UNC5D: variants seen among roughly 807,000 people sequenced by gnomAD.
UNC5D encodes the protein netrin receptor UNC5D.
Under a neutral mutation model 105.4 loss-of-function variants are expected in UNC5D, and 39 were observed. That is an observed-to-expected ratio of 0.37 (90% CI 0.29 to 0.48). UNC5D has a LOEUF of 0.48. Ranked by LOEUF, UNC5D falls within the 20% of genes least tolerant of loss-of-function variation. The probability of loss-of-function intolerance (pLI) is 0.98; values close to 1 mark genes in which losing one functional copy is unlikely to be tolerated. For synonymous variants in UNC5D, 452 were observed against 450.4 expected (o/e 1.00, Z -0.04); for missense variants, 991 against 1,202.4 (o/e 0.82, Z 2.60).
chr8:35,537,426 TTC>T (rs1308014251), intron 1 of UNC5D, among the ~76,000 whole-genome samples: 3 of 152,162 alleles, frequency 2.0e-5, no homozygotes, highest in Non-Finnish European at 4.4e-5. Context: ...ATGCCTATAA[TTC>T]TAACATTTTG....
At chr8:35,706,032 G>T in intron 8 of UNC5D, 71 bp downstream of exon 8, 2 of 1,035,940 alleles carry the variant, frequency 1.9e-6, no homozygotes, top group South Asian at 1.5e-5. Flanking sequence ...ATTTGTTTAG[G>T]AGCTGAGCAG....
intron 1 of UNC5D, among the ~76,000 whole-genome samples, chr8:35,461,615 G>A (rs1014991721): frequency 1.7e-4 from 26 of 152,288 alleles, no homozygotes; most frequent in African/African-American, 6.0e-4. Flanking sequence ...TAGCATTGTA[G>A]GAGGGAACAA....
At chr8:35,773,703 C>A (rs1279367641) in intron 15 of UNC5D, among the ~76,000 whole-genome samples, 1 of 147,074 alleles carries the variant, frequency 6.8e-6, no homozygotes, top group African/African-American at 2.7e-5. Context: ...ATTCTGCTCT[C>A]ACCTGACAGT....
At chr8:35,292,444 T>C (rs1170934818) in intron 1 of UNC5D, among the ~76,000 whole-genome samples, 1 of 152,218 alleles carries the variant, frequency 6.6e-6, no homozygotes, top group Non-Finnish European at 1.5e-5. Flanking sequence ...AAAATTTTGT[T>C]CTAATTATTG....
chr8:35,471,579 A>G (rs1809728681), intron 1 of UNC5D, among the ~76,000 whole-genome samples: 1 of 152,242 alleles, frequency 6.6e-6, no homozygotes, highest in Non-Finnish European at 1.5e-5. Context: ...TAGCAAAAGC[A>G]TCTAAATTTT....
intron 3 of UNC5D, among the ~76,000 whole-genome samples, chr8:35,591,473 A>G (rs749074972): frequency 5.9e-5 from 9 of 152,302 alleles, no homozygotes; most frequent in Non-Finnish European, 1.2e-4. Context: ...AGTTTGCCTC[A>G]TATCCAATGA....
intron 2 of UNC5D, among the ~76,000 whole-genome samples, chr8:35,558,640 A>T (rs574427025): frequency 1.2e-4 from 19 of 152,286 alleles, no homozygotes; most frequent in African/African-American, 4.3e-4. Flanking sequence ...GGGCTGAGAA[A>T]TCTTGGGAGT....
chr8:35,282,714 A>AAAG (rs1346159032), intron 1 of UNC5D, among the ~76,000 whole-genome samples: 1 of 151,392 alleles, frequency 6.6e-6, no homozygotes, highest in Non-Finnish European at 1.5e-5. Flanking sequence ...AAAAGACAAA[A>AAAG]AAAAAAAAAG....
At chr8:35,722,833 A>G (rs1205965442) in intron 9 of UNC5D, among the ~76,000 whole-genome samples, 2 of 150,212 alleles carry the variant, frequency 1.3e-5, no homozygotes, top group East Asian at 1.9e-4. Flanking sequence ...TGTTATTTCT[A>G]TTTTAAATAA....
intron 14 of UNC5D, among the ~76,000 whole-genome samples, chr8:35,761,993 G>T (rs1254745652): frequency 6.6e-6 from 1 of 152,146 alleles, no homozygotes; most frequent in East Asian, 1.9e-4. Flanking sequence ...ATCCCAGAGA[G>T]CTATTGTGGA....
chr8:35,535,739 T>C (rs765876791), intron 1 of UNC5D, among the ~76,000 whole-genome samples: 7 of 152,180 alleles, frequency 4.6e-5, no homozygotes, highest in Non-Finnish European at 1.0e-4. Context: ...GTAATAATAA[T>C]CTACAGGATG....
intron 8 of UNC5D, among the ~76,000 whole-genome samples, chr8:35,711,690 C>A (rs1028670356): frequency 1.3e-5 from 2 of 152,152 alleles, no homozygotes; most frequent in Non-Finnish European, 2.9e-5. Context: ...CAGTTTTCAA[C>A]TTAGATTTCA....
intron 4 of UNC5D, among the ~76,000 whole-genome samples, chr8:35,641,869 A>C (rs2131135626): frequency 1.3e-5 from 2 of 152,248 alleles, no homozygotes; most frequent in Admixed American, 1.3e-4. Context: ...CCTAAATAAA[A>C]AGGGCTGGCA....
chr8:35,278,734 G>A (rs961496605), intron 1 of UNC5D, among the ~76,000 whole-genome samples: 6 of 151,992 alleles, frequency 3.9e-5, no homozygotes, highest in Non-Finnish European at 1.5e-5. Context: ...GGTGATGACA[G>A]CACCTGAAAT....
chr8:35,792,709 C>T lies in UNC5D; in HGVS notation c.*2146C>T, dbSNP rs1425505877. 3.9e-6 allele frequency: 1 copy of T among 253,334 alleles called. No homozygotes were observed. The highest frequency in any genetic ancestry group is 7.7e-6 in the Non-Finnish European group (1 of 129,916). 15.7% of individuals were successfully genotyped at this position (253,334 alleles called of 1,614,324 possible). Reference sequence around the variant, plus strand: ...AACTTGTAGAAAGCACATTATAGAGCTTATGTTGGAATCCATCTTGGAGGA... The same window carrying T: ...AACTTGTAGAAAGCACATTATAGAGTTTATGTTGGAATCCATCTTGGAGGA... On this transcript the variant is annotated 3_prime_UTR_variant, in exon 17 of 17. Coordinates refer to ENST00000404895, the MANE Select transcript of UNC5D (RefSeq NM_080872.4).
intron 4 of UNC5D, among the ~76,000 whole-genome samples, chr8:35,644,102 A>G (rs889830493): frequency 5.9e-5 from 9 of 152,288 alleles, no homozygotes; most frequent in African/African-American, 2.2e-4. Flanking sequence ...AAAATTCTAA[A>G]TCATCATGTA....
At chr8:35,329,122 A>G (rs1216783117) in intron 1 of UNC5D, among the ~76,000 whole-genome samples, 3 of 152,090 alleles carry the variant, frequency 2.0e-5, no homozygotes, top group Non-Finnish European at 4.4e-5. Flanking sequence ...TCTAATCATC[A>G]CTGACACTCA....
intron 4 of UNC5D, among the ~76,000 whole-genome samples, chr8:35,619,234 C>T (rs1298136022): frequency 3.9e-5 from 6 of 152,012 alleles, no homozygotes; most frequent in Non-Finnish European, 8.8e-5. Flanking sequence ...GGTGATCAAC[C>T]AAGACATTGC....
intron 1 of UNC5D, among the ~76,000 whole-genome samples, chr8:35,308,980 C>A (rs1808659193): frequency 6.6e-6 from 1 of 152,064 alleles, no homozygotes; most frequent in Admixed American, 6.6e-5. Context: ...GAGAGCCCGG[C>A]TGGCTAGATA....
Sources: gnomAD v4.1 joint callset for allele counts (sites outside exome capture counted in the v4.1 genomes callset) on GRCh38, gnomAD v4.1.1 for gene constraint, MANE v1.5 for transcripts, NCBI Gene and HGNC (gene_info 2026-07-23, HGNC 2026-07-21) for gene names.